Variants in STAT6 observed in about 807,000 individuals in gnomAD.
STAT6 encodes signal transducer and activator of transcription 6.
A neutral mutation model predicts 106.3 loss-of-function variants in STAT6; 45 were observed. The observed-to-expected ratio is 0.42, with a 90% CI of 0.33 to 0.54. The LOEUF (loss-of-function observed/expected upper bound fraction) is 0.54. STAT6 is among the 20% of genes least tolerant of loss of function. STAT6 has a pLI of 0.06. For synonymous variants in STAT6, 413 were observed against 413.6 expected, an observed-to-expected ratio of 1.00 and a Z score of 0.02; for missense variants, 797 against 1,062.2, an observed-to-expected ratio of 0.75 and a Z score of 3.47.
intron 11 of STAT6, 158 bp from the exon 12 acceptor site, chr12:57,103,079 T>G (rs761351122): frequency 6.4e-5 from 35 of 547,824 alleles, no homozygotes; most frequent in Non-Finnish European, 7.7e-5. Context: ...CACTGCAGCC[T>G]CAGCCTTCAG....
intron 7 of STAT6, 94 bp downstream of exon 7, chr12:57,106,097 C>A: frequency 1.3e-6 from 2 of 1,571,184 alleles, no homozygotes; most frequent in African/African-American, 1.4e-5. Flanking sequence ...CAAGGCCCTC[C>A]CGCCTGGCTT....
chr12:57,101,926 A>G (rs1422502853), intron 13 of STAT6, among the ~76,000 whole-genome samples: 3 of 152,148 alleles, frequency 2.0e-5, no homozygotes, highest in Non-Finnish European at 4.4e-5. Context: ...CGGCATGTCA[A>G]AGACTGGGAT....
intron 13 of STAT6, among the ~76,000 whole-genome samples, chr12:57,100,690 A>G (rs868743125): frequency 4.0e-4 from 17 of 42,274 alleles, no homozygotes; most frequent in East Asian, 1.3e-3. Context: ...GAAAGAAAGA[A>G]AGAAAGAAAG....
In STAT6 at chr12:57,105,618, T is replaced by G. The variant is rs1351324660; in HGVS notation, c.681-19A>C. 1 of 1,612,858 alleles carries G rather than the reference T, an allele frequency of 6.2e-7. No homozygotes were observed. Among genetic ancestry groups the G allele is most frequent in the Non-Finnish European group, 8.5e-7 (1 of 1,179,612 alleles). The stretch of plus-strand genomic sequence containing the variant: ...TTCACACCTGGGGCCAGGACAGTGG[T>G]CAGGGGGCACAGGATTAAGGCTGCT... On this transcript the variant is annotated intron_variant, in intron 7 of 21. Transcript: ENST00000300134.
At position 57,099,735 on chromosome 12, in the gene STAT6, C is replaced by T. The variant is rs780399667; in HGVS notation, c.1744+32G>A. On this transcript the variant is annotated intron_variant, in intron 15 of 21. Transcript: ENST00000300134. This position sits in a 1 kb window ranked among gnomAD's most constrained non-coding sequence, Gnocchi z 4.7. ...GAAGAAACCCCAGAGGGCACAGGCA[C>T]AGAGACAGAGGACTGGCTGGGGTGG... 6.2e-7 allele frequency: 1 copy of T among 1,613,418 alleles called. No individual in the cohort carries two copies. The highest frequency in any genetic ancestry group is 8.5e-7 in the Non-Finnish European group (1 of 1,179,716).
intron 13 of STAT6, among the ~76,000 whole-genome samples, chr12:57,100,695 A>AGG: frequency 7.1e-5 from 2 of 28,052 alleles, no homozygotes; most frequent in East Asian, 5.3e-4. Flanking sequence ...AAAGAAAGAA[A>AGG]GAAAGAGAAA....
chr12:57,099,640 A>C lies in STAT6; in HGVS notation c.1744+127T>G. On this transcript the variant is annotated intron_variant, in intron 15 of 21. Transcript: ENST00000300134. This position sits in a 1 kb window ranked among gnomAD's most constrained non-coding sequence, Gnocchi z 4.7. ...GGTGAACATTTAGACCACAGAAGGA[A>C]GAAGAGAAGCTGGAAGAACTTCCTG... 6.9e-7 allele frequency: 1 copy of C among 1,447,870 alleles called. No homozygotes were observed. The highest frequency in any genetic ancestry group is 2.4e-5 in the East Asian group (1 of 42,356). The allele number at this position is 1,447,870 out of a possible 1,614,324, so 89.7% of individuals were successfully genotyped here. A position where few individuals can be genotyped will look rare whatever the true frequency, so the allele number is the denominator to read the frequency against.
rs1345401534 is a variant in STAT6 at position 57,099,540 on chromosome 12, A to G, written c.1745-100T>C. On this transcript the variant is annotated intron_variant, in intron 15 of 21. Transcript: ENST00000300134. The surrounding 1 kb of genome is among the most constrained non-coding windows in gnomAD (Gnocchi z 4.7). Reference sequence around the variant, plus strand: ...TGTTCTCACTCCACCAAGGCAAGGGAGAGAGGACCTAGGGTGGGGCTCCTG... The same window carrying G: ...TGTTCTCACTCCACCAAGGCAAGGGGGAGAGGACCTAGGGTGGGGCTCCTG... 2 of 1,540,020 alleles carry G rather than the reference A, an allele frequency of 1.3e-6. No individual in the cohort carries two copies. Among genetic ancestry groups the G allele is most frequent in the African/African-American group, 1.4e-5 (1 of 73,198 alleles).
intron 6 of STAT6, 81 bp from the exon 7 acceptor site, chr12:57,106,420 C>T: frequency 6.2e-7 from 1 of 1,607,884 alleles, no homozygotes; most frequent in South Asian, 1.1e-5. Context: ...TTTTCTCACT[C>T]CTCTGGCATT....
Position 57,099,364 on chromosome 12 carries a change from C to A in STAT6, c.1821G>T (p.Arg607=). 6.2e-7 allele frequency: 1 copy of A among 1,614,118 alleles called. No homozygotes were observed. Among genetic ancestry groups the A allele is most frequent in the African/African-American group, 1.3e-5 (1 of 74,986 alleles). ...LSIRSLGDRI[R]DLAQLKNLYP... ...AGAGATTTTTGAGCTGAGCAAGATC[C>A]CGGATTCGGTCCCCCAGTGAGCGAA... Residue 607 remains arginine (R), a synonymous_variant, in exon 16 of 22, where the codon CGG becomes CGT. Coordinates refer to ENST00000300134, the MANE Select transcript of STAT6 (RefSeq NM_003153.5). The surrounding 1 kb of genome is among the most constrained non-coding windows in gnomAD (Gnocchi z 4.7).
chr12:57,098,632 C>G, intron 18 of STAT6, 35 bp from the exon 19 acceptor site: 1 of 1,604,864 alleles, frequency 6.2e-7, no homozygotes, highest in Non-Finnish European at 8.5e-7. Flanking sequence ...GATGCCAGCC[C>G]TTCTCCTGGA....
At chr12:57,098,760 C>T (rs2033620308) in intron 18 of STAT6, 32 bp downstream of exon 18, 3 of 1,604,368 alleles carry the variant, frequency 1.9e-6, no homozygotes, top group East Asian at 4.5e-5. Context: ...TCTGCACAGA[C>T]CACTCCCATT....
In STAT6 at chr12:57,096,667, A is replaced by G. The variant is rs373653638; in HGVS notation, c.2449T>C (p.Ser817Pro). ...TGCAGGAGGGGCTGTGCCCCCAAGG[A>G]CCCTCCCCCCGACTCCCCTTGCCCC... Reference protein sequence around the residue: ...LEGQGESGGGSLGAQPLLQPS... With the variant: ...LEGQGESGGGPLGAQPLLQPS... Residue 817 changes from serine to proline, a missense_variant, in exon 22 of 22, where the codon TCC becomes CCC. Ser to Pro is a moderately conservative substitution (Grantham distance 74). Around this residue, in one of 4 missense-constraint regions of STAT6, gnomAD observed 226 missense variants for 236.7 expected, o/e 0.95. Coordinates refer to ENST00000300134, the MANE Select transcript of STAT6 (RefSeq NM_003153.5). 5 of 1,604,126 alleles carry G rather than the reference A, an allele frequency of 3.1e-6. No homozygotes were observed. Among genetic ancestry groups the G allele is most frequent in the Non-Finnish European group, 4.2e-6 (5 of 1,177,090 alleles).
At position 57,111,067 on chromosome 12, in the gene STAT6, C is replaced by A. The variant is rs187844871; in HGVS notation, c.-22+62G>T. ...AGGGGAGGATCCCGAGAGCTCCCCC[C>A]ACGAATCCACCCCCATGCACTCATA... On this transcript the variant is annotated intron_variant, in intron 1 of 21. Coordinates refer to ENST00000300134, the MANE Select transcript of STAT6 (RefSeq NM_003153.5). 4.0e-3 allele frequency: 604 copies of A among 152,316 alleles called. 3 individuals carry two copies. Among genetic ancestry groups the A allele is most frequent in the Admixed American group, 4.3e-3 (65 of 15,276 alleles). The allele number at this position is 152,316 out of a possible 1,614,324, so 9.4% of individuals were successfully genotyped here. A position where few individuals can be genotyped will look rare whatever the true frequency, so the allele number is the denominator to read the frequency against.
At chr12:57,097,502 G>A (rs2033525558) in intron 19 of STAT6, among the ~76,000 whole-genome samples, 1 of 152,216 alleles carries the variant, frequency 6.6e-6, no homozygotes, top group African/African-American at 2.4e-5. Context: ...CAAAACAGAT[G>A]AGTAAACAAA....
rs920552677 is a variant in STAT6, at chr12:57,105,807, C to T, written c.681-208G>A. On this transcript the variant is annotated intron_variant, in intron 7 of 21. Coordinates refer to ENST00000300134, the MANE Select transcript of STAT6 (RefSeq NM_003153.5). Reference sequence around the variant, plus strand: ...GGGAGGTTCATTCTCAGTGCCTACACCCCCTGTGGAAACCCAGCTGCCTCT... The same window carrying T: ...GGGAGGTTCATTCTCAGTGCCTACATCCCCTGTGGAAACCCAGCTGCCTCT... 17 of 884,438 alleles carry T rather than the reference C, an allele frequency of 1.9e-5. No individual in the cohort carries two copies. The Admixed American group carries it at 3.0e-4, about 16-fold the overall frequency. 54.8% of individuals were successfully genotyped at this position (884,438 alleles called of 1,614,324 possible). A position where few individuals can be genotyped will look rare whatever the true frequency, so the allele number is the denominator to read the frequency against.
chr12:57,102,722 G>C (rs2034013538), intron 12 of STAT6, 107 bp downstream of exon 12: 1 of 1,040,314 alleles, frequency 9.6e-7, no homozygotes, highest in South Asian at 1.4e-5. Context: ...AAGTGTTAAG[G>C]TCACACCCAT....
intron 11 of STAT6, 52 bp downstream of exon 11, chr12:57,104,412 T>C (rs967321741): frequency 1.9e-5 from 30 of 1,575,874 alleles, no homozygotes; most frequent in Non-Finnish European, 2.3e-5. Context: ...GTGTGTGGCA[T>C]TGGAGGAGGA....
chr12:57,096,550 T>C lies in STAT6; in HGVS notation c.*22A>G, dbSNP rs1313880309. The C allele has an allele frequency of 6.4e-7, 1 of 1,554,666 alleles. No individual in the cohort carries two copies. Among genetic ancestry groups the C allele is most frequent in the Non-Finnish European group, 8.7e-7 (1 of 1,153,832 alleles). On this transcript the variant is annotated 3_prime_UTR_variant, in exon 22 of 22. Coordinates refer to ENST00000300134, the MANE Select transcript of STAT6 (RefSeq NM_003153.5). ...GGGGGTAGTAGAAGAGCTGTCTCTT[T>C]GGGTTCTCCCTCCAGCTGGGATCAC... is the stretch of plus-strand genomic sequence containing the variant.
Sources: gnomAD v4.1 joint callset for allele counts (sites outside exome capture counted in the v4.1 genomes callset) on GRCh38, gnomAD v4.1.1 for gene constraint, gnomAD v4.1.1 regional missense constraint, Gnocchi (gnomAD v3.1) non-coding constraint, MANE v1.5 for transcripts, NCBI Gene and HGNC (gene_info 2026-07-23, HGNC 2026-07-21) for gene names.